The following PKP4 variants were observed in gnomAD, a reference collection of about 807,000 sequenced individuals.
PKP4 encodes the protein plakophilin-4.
PKP4 carries 90 observed loss-of-function variants against 145.1 expected under a neutral mutation model. That is an observed-to-expected ratio of 0.62 (90% confidence interval 0.52 to 0.74). PKP4 has a LOEUF of 0.74. Ranked by LOEUF, PKP4 falls within the 30% of genes least tolerant of loss-of-function variation. PKP4 has a pLI of 0.00. For missense variants in PKP4, 1,340 were observed against 1,482.7 expected (o/e 0.90, Z 1.58); for synonymous variants, 563 against 577.2 (o/e 0.98, Z 0.35).
At chr2:158,604,447 A>C (rs1319335148) in intron 4 of PKP4, among the ~76,000 whole-genome samples, 1 of 152,218 alleles carries the variant, frequency 6.6e-6, no homozygotes, top group Non-Finnish European at 1.5e-5. Context: ...AACATTTCTC[A>C]GAAGAAACAG....
At chr2:158,657,267 AGAGCAATTATTGGAAAACCTGT>A (rs545016189) in intron 11 of PKP4, among the ~76,000 whole-genome samples, 90 of 152,300 alleles carry the variant, frequency 5.9e-4, no homozygotes, top group African/African-American at 2.0e-3. Flanking sequence ...AATGTCTATG[AGAGCAATTATTGGAAAACCTGT>A]GCTATGATAA....
chr2:158,564,631 C>G (rs2046824554), intron 2 of PKP4, among the ~76,000 whole-genome samples: 1 of 152,094 alleles, frequency 6.6e-6, no homozygotes, highest in Non-Finnish European at 1.5e-5. Context: ...TGCCCATTTC[C>G]CCCCAGTTCC....
At chr2:158,547,967 G>C (rs1290782463) in intron 2 of PKP4, among the ~76,000 whole-genome samples, 1 of 152,214 alleles carries the variant, frequency 6.6e-6, no homozygotes, top group Non-Finnish European at 1.5e-5. Context: ...GGGTGAAGCT[G>C]TTGGATATAA....
intron 6 of PKP4, 139 bp downstream of exon 6, chr2:158,621,560 A>T (rs1483180316): frequency 1.6e-6 from 1 of 638,640 alleles, no homozygotes; most frequent in Non-Finnish European, 2.7e-6. Context: ...AGCCTGCCTA[A>T]CATGGCGAAA....
intron 1 of PKP4, among the ~76,000 whole-genome samples, chr2:158,506,309 C>T (rs2040971203): frequency 6.6e-6 from 1 of 152,190 alleles, no homozygotes; most frequent in South Asian, 2.1e-4. Context: ...CTAAGAGGAG[C>T]AGCTCCTGTT....
chr2:158,550,143 A>ATTCTATTAACTTCTATTTAT (rs564291706), intron 2 of PKP4, among the ~76,000 whole-genome samples: 1 of 147,046 alleles, frequency 6.8e-6, no homozygotes, highest in African/African-American at 2.4e-5. Context: ...TGCCAAGAAG[A>ATTCTATTAACTTCTATTTAT]AGTTAAACAA....
intron 4 of PKP4, among the ~76,000 whole-genome samples, chr2:158,616,430 C>T (rs1384311187): frequency 6.6e-6 from 1 of 152,126 alleles, no homozygotes; most frequent in Non-Finnish European, 1.5e-5. Context: ...AAAGGAGAGC[C>T]CCATGACCAG....
intron 9 of PKP4, among the ~76,000 whole-genome samples, chr2:158,638,005 A>T (rs2053959166): frequency 6.6e-6 from 1 of 152,242 alleles, no homozygotes; most frequent in African/African-American, 2.4e-5. Context: ...CGGGGATGTC[A>T]GGAAATCTTG....
At chr2:158,534,799 A>G (rs780174161) in intron 2 of PKP4, among the ~76,000 whole-genome samples, 6 of 152,224 alleles carry the variant, frequency 3.9e-5, no homozygotes, top group Non-Finnish European at 8.8e-5. Context: ...GATGGCCTCA[A>G]ATGACTTCAA....
intron 1 of PKP4, among the ~76,000 whole-genome samples, chr2:158,531,233 G>A (rs1321004437): frequency 1.3e-5 from 2 of 152,112 alleles, no homozygotes; most frequent in Non-Finnish European, 2.9e-5. Flanking sequence ...CTTCCCCAGT[G>A]ACATTTCTGT....
At chr2:158,503,012 C>G (rs1364932458) in intron 1 of PKP4, among the ~76,000 whole-genome samples, 1 of 152,208 alleles carries the variant, frequency 6.6e-6, no homozygotes, top group Non-Finnish European at 1.5e-5. Flanking sequence ...ATATACCTCT[C>G]TTAGCTTTGC....
rs775792258 is a variant in PKP4, at chr2:158,625,166, A to T, written c.892A>T (p.Asn298Tyr). Residue 298 changes from asparagine (N) to tyrosine (Y), a missense_variant, in exon 7 of 22, where the codon AAT (asparagine) becomes TAT (tyrosine). By Grantham distance (143) the Asn-to-Tyr change is moderately radical. Transcript: ENST00000389759. The stretch of plus-strand genomic sequence containing the variant: ...GTCAGTCACCTCCCGGCAGACCTCC[A>T]ATCCCAACGGACCAACCCCTCAATA... Reference protein sequence around the residue: ...IGSVTSRQTSNPNGPTPQYQT... With the variant: ...IGSVTSRQTSYPNGPTPQYQT... The T allele has an allele frequency of 6.2e-7, 1 of 1,614,106 alleles. No individual in the cohort carries two copies. Among genetic ancestry groups the T allele is most frequent in the Admixed American group, 1.7e-5 (1 of 60,022 alleles).
intron 11 of PKP4, among the ~76,000 whole-genome samples, chr2:158,650,721 G>C (rs964884883): frequency 3.9e-5 from 6 of 152,240 alleles, no homozygotes; most frequent in African/African-American, 1.4e-4. Context: ...TGAAAGCTGA[G>C]ATGGTGGTGT....
intron 1 of PKP4, among the ~76,000 whole-genome samples, chr2:158,469,359 A>T (rs1691195648): frequency 6.6e-6 from 1 of 152,126 alleles, no homozygotes; most frequent in South Asian, 2.1e-4. Context: ...CAAAGTGCTG[A>T]GATTACAGGC....
In PKP4 at chr2:158,494,945, G is replaced by A. The variant is rs192359097; in HGVS notation, c.-6+37727G>A. 2.3e-3 allele frequency among the ~76,000 whole-genome samples: 349 copies of A among 151,678 alleles called. 3 individuals carry two copies. The highest frequency in any genetic ancestry group is 8.2e-3 in the African/African-American group (338 of 41,296). On this transcript the variant is annotated intron_variant, in intron 1 of 21. Coordinates refer to ENST00000389759, the MANE Select transcript of PKP4 (RefSeq NM_003628.6). Reference sequence around the variant, plus strand: ...TATTAAATCAATGAGGTGGCCGGGCGCGGTGGCTCACATCTGTAATCTCAG... The same window carrying A: ...TATTAAATCAATGAGGTGGCCGGGCACGGTGGCTCACATCTGTAATCTCAG...
intron 1 of PKP4, among the ~76,000 whole-genome samples, chr2:158,509,013 T>C (rs1281807654): frequency 1.3e-5 from 2 of 152,212 alleles, no homozygotes; most frequent in Non-Finnish European, 2.9e-5. Flanking sequence ...AAGAGAAATA[T>C]CTACCTATCA....
intron 4 of PKP4, among the ~76,000 whole-genome samples, chr2:158,616,728 A>G (rs761971204): frequency 2.0e-5 from 3 of 152,180 alleles, no homozygotes; most frequent in Non-Finnish European, 4.4e-5. Flanking sequence ...GTGCTGGACT[A>G]TGAAAGACTA....
chr2:158,472,964 A>G (rs1044010926), intron 1 of PKP4, among the ~76,000 whole-genome samples: 1 of 152,226 alleles, frequency 6.6e-6, no homozygotes, highest in African/African-American at 2.4e-5. Flanking sequence ...TAAATTTACA[A>G]GAGAAAAACA....
chr2:158,662,865 T>G (rs775413229), intron 13 of PKP4, 32 bp from the exon 14 acceptor site: 23 of 1,562,470 alleles, frequency 1.5e-5, no homozygotes, highest in Non-Finnish European at 2.0e-5. Flanking sequence ...TGTGCCGAGT[T>G]GTTTTTAATT....
Sources: gnomAD v4.1 joint callset for allele counts (sites outside exome capture counted in the v4.1 genomes callset) on GRCh38, gnomAD v4.1.1 for gene constraint, MANE v1.5 for transcripts, NCBI Gene and HGNC (gene_info 2026-07-23, HGNC 2026-07-21) for gene names.